CCDC102B: variants seen among roughly 807,000 people sequenced by gnomAD.
The protein encoded by CCDC102B is coiled-coil domain-containing protein 102B.
Under a neutral mutation model 57.4 loss-of-function variants are expected in CCDC102B, and 75 were observed. That is an observed-to-expected ratio of 1.31 (90% confidence interval 1.08 to 1.58). CCDC102B has a LOEUF of 1.58. Ranked by LOEUF, CCDC102B falls within the 40% of genes most tolerant of loss-of-function variation. The probability of loss-of-function intolerance (pLI) is 0.00; values close to 1 mark genes in which losing one functional copy is unlikely to be tolerated. For synonymous variants in CCDC102B, 206 were observed against 201.9 expected, an observed-to-expected ratio of 1.02 and a Z score of -0.17; for missense variants, 636 against 582.6, an observed-to-expected ratio of 1.09 and a Z score of -0.94.
chr18:68,834,850 G>A (rs2037298227), intron 1 of CCDC102B, among the ~76,000 whole-genome samples: 1 of 151,702 alleles, frequency 6.6e-6, no homozygotes, highest in African/African-American at 2.4e-5. Flanking sequence ...TTGTAAGTTA[G>A]TTAAAGTAAT....
chr18:68,719,809 C>T (rs1395072501), intron 2 of CCDC102B, among the ~76,000 whole-genome samples: 1 of 152,166 alleles, frequency 6.6e-6, no homozygotes, highest in African/African-American at 2.4e-5. Flanking sequence ...ATAGGGAACA[C>T]TCACCAATTT....
intron 6 of CCDC102B, among the ~76,000 whole-genome samples, chr18:68,960,164 G>C (rs1331235756): frequency 1.3e-5 from 2 of 152,188 alleles, no homozygotes; most frequent in Non-Finnish European, 2.9e-5. Context: ...ACTGCCTATC[G>C]CTGCTGATTA....
At chr18:68,947,368 A>C (rs1372291358) in intron 6 of CCDC102B, among the ~76,000 whole-genome samples, 1 of 152,118 alleles carries the variant, frequency 6.6e-6, no homozygotes, top group Non-Finnish European at 1.5e-5. Context: ...CAATATTCCC[A>C]GTACTTACAT....
intron 2 of CCDC102B, among the ~76,000 whole-genome samples, chr18:68,768,485 C>T (rs1239368615): frequency 7.9e-5 from 12 of 152,136 alleles, no homozygotes; most frequent in African/African-American, 2.4e-4. Context: ...CCTTATTGAT[C>T]TTATATTCTC....
chr18:68,897,616 T>G (rs2040291828), intron 6 of CCDC102B, 188 bp downstream of exon 6: 1 of 1,541,336 alleles, frequency 6.5e-7, no homozygotes, highest in African/African-American at 1.4e-5. Flanking sequence ...ACAAAGTGTG[T>G]CAAATGTTAA....
At chr18:68,793,380 A>T (rs1424788063), upstream of CCDC102B, among the ~76,000 whole-genome samples, 2 of 152,196 alleles carry the variant, frequency 1.3e-5, no homozygotes, top group South Asian at 4.1e-4. Flanking sequence ...TTTTTAAAAA[A>T]GTTTGTCGAT....
chr18:69,011,087 A>C lies in CCDC102B; in HGVS notation c.1417A>C (p.Asn473His), dbSNP rs758964881. The change falls in exon 7 of 8, where the codon AAT becomes CAT. Residue 473 changes from asparagine (N) to histidine (H), a missense_variant. Coordinates refer to ENST00000360242, the MANE Select transcript of CCDC102B (RefSeq NM_024781.3). ...LRVEELKQGL[N>H]QKEDELDDSL... ...AGTGGAAGAACTAAAGCAGGGACTC[A>C]ATCAAAAAGAAGATGAGGTACTACT... 1 of 1,613,482 alleles carries C rather than the reference A, an allele frequency of 6.2e-7. No homozygotes were observed. The highest frequency in any genetic ancestry group is 1.1e-5 in the South Asian group (1 of 90,998).
chr18:68,834,432 C>CATATATATATATATATATATATATATAT (rs67872866), intron 1 of CCDC102B, among the ~76,000 whole-genome samples: 21 of 137,692 alleles, frequency 1.5e-4, no homozygotes, highest in African/African-American at 5.1e-4. Context: ...TATGTAAATA[C>CATATATATATATATATATATATATATAT]ATATATATAT....
chr18:68,765,071 A>AAATAAATAAATAAATAAAT (rs2034381347), intron 2 of CCDC102B, among the ~76,000 whole-genome samples: 2 of 149,050 alleles, frequency 1.3e-5, no homozygotes, highest in Non-Finnish European at 3.0e-5. Flanking sequence ...ATAAATAAAT[A>AAATAAATAAATAAATAAAT]AATAAGCTGG....
chr18:68,910,277 A>G (rs1366511983), intron 6 of CCDC102B, among the ~76,000 whole-genome samples: 1 of 152,206 alleles, frequency 6.6e-6, no homozygotes, highest in Non-Finnish European at 1.5e-5. Flanking sequence ...TGGGCAACAG[A>G]GTGAGACTGT....
intron 2 of CCDC102B, among the ~76,000 whole-genome samples, chr18:68,775,369 TTTAG>T (rs2034776206): frequency 1.3e-5 from 2 of 152,174 alleles, no homozygotes; most frequent in African/African-American, 4.8e-5. Flanking sequence ...TTTTCAGTTG[TTTAG>T]TTAGTGTTTG....
intron 7 of CCDC102B, among the ~76,000 whole-genome samples, chr18:69,033,730 A>G (rs1386544831): frequency 6.6e-6 from 1 of 151,902 alleles, no homozygotes; most frequent in Non-Finnish European, 1.5e-5. Flanking sequence ...GGATTGTGAA[A>G]TCATATGGTA....
intron 6 of CCDC102B, chr18:68,992,924 C>A: frequency 1.1e-5 from 2 of 176,732 alleles, no homozygotes; most frequent in East Asian, 1.6e-4. Flanking sequence ...CCTTGCAGAC[C>A]TGGCTAAAAG....
At chr18:68,832,971 A>G (rs751566342) in intron 1 of CCDC102B, among the ~76,000 whole-genome samples, 3 of 152,184 alleles carry the variant, frequency 2.0e-5, no homozygotes, top group Non-Finnish European at 4.4e-5. Flanking sequence ...AGGAGATTGA[A>G]TGAACTCAAA....
upstream of CCDC102B, among the ~76,000 whole-genome samples, chr18:68,795,288 A>T (rs1164022538): frequency 6.6e-6 from 1 of 152,142 alleles, no homozygotes; most frequent in East Asian, 1.9e-4. Context: ...GAAAGATTTA[A>T]ATGGCTCCTA....
chr18:68,762,752 C>T (rs2034294826), intron 2 of CCDC102B, among the ~76,000 whole-genome samples: 1 of 152,126 alleles, frequency 6.6e-6, no homozygotes, highest in Non-Finnish European at 1.5e-5. Context: ...TGCTGATGCA[C>T]CTCACACTGT....
intron 2 of CCDC102B, among the ~76,000 whole-genome samples, chr18:68,774,297 T>C (rs1389758752): frequency 1.3e-5 from 2 of 151,360 alleles, no homozygotes; most frequent in Non-Finnish European, 2.9e-5. Flanking sequence ...TAAATAAGTA[T>C]AGTTTTATAT....
intron 2 of CCDC102B, among the ~76,000 whole-genome samples, chr18:68,765,377 GAAAAGAA>G (rs1338395778): frequency 6.5e-5 from 7 of 108,002 alleles, no homozygotes; most frequent in African/African-American, 2.5e-4. Context: ...AAGAAAGAAA[GAAAAGAA>G]AGAAAGAAAA....
rs1483964118 is a variant in CCDC102B at position 69,009,923 on chromosome 18, GATTT to G, written c.1264-1010_1264-1007del. Among the ~76,000 whole-genome samples the G allele has an allele frequency of 1.8e-4, 7 of 38,482 alleles. 1 individual carries two copies. The highest frequency in any genetic ancestry group is 2.8e-4 in the African/African-American group (5 of 17,574). 25.2% of individuals were successfully genotyped at this position (38,482 alleles called of 152,430 possible). On this transcript the variant is annotated intron_variant, in intron 6 of 7. Coordinates refer to ENST00000360242, the MANE Select transcript of CCDC102B (RefSeq NM_024781.3). ...ACTTTTTCTTTATAGTTTTAATAAA[GATTT>G]TTTTTTTTTTTTTTTTTTTTTTGAG...
Sources: allele counts gnomAD v4.1 joint callset (sites outside exome capture counted in the v4.1 genomes callset), GRCh38; gene constraint gnomAD v4.1.1; transcripts MANE v1.5; gene names NCBI Gene and HGNC (gene_info 2026-07-23, HGNC 2026-07-21).